Variants in PPP1R14C observed in about 807,000 individuals in gnomAD.
The protein encoded by PPP1R14C is protein phosphatase 1 regulatory inhibitor subunit 14C, also known as protein phosphatase 1 regulatory subunit 14C.
PPP1R14C carries 16 observed loss-of-function variants against 20.4 expected under a neutral mutation model. The observed-to-expected ratio is 0.78, with a 90% CI of 0.53 to 1.19. The LOEUF (loss-of-function observed/expected upper bound fraction) is 1.19, where lower values mean the gene tolerates loss of function less well. Among genes scored for constraint, PPP1R14C ranks in the 50% most tolerant of loss-of-function variants. PPP1R14C has a pLI of 0.00. For missense variants in PPP1R14C, 211 were observed against 220.1 expected, an observed-to-expected ratio of 0.96 and a Z score of 0.26; for synonymous variants, 91 against 91.0, an observed-to-expected ratio of 1.00 and a Z score of 0.00.
In PPP1R14C at chr6:150,241,707, C is replaced by T. The variant is rs974123996; in HGVS notation, c.424-7039C>T. 4.6e-5 allele frequency among the ~76,000 whole-genome samples: 7 copies of T among 152,144 alleles called. No individual in the cohort carries two copies. In the South Asian group the frequency reaches 1.0e-3, roughly 23 times the overall value. ...TTCGAGACCAGCCTAGCCAACATGG[C>T]GAAACCCCATCTCTACTAAAAATAC... On this transcript the variant is annotated intron_variant, in intron 3 of 3. Transcript: ENST00000361131.
chr6:150,149,001 G>T (rs1179015439), intron 1 of PPP1R14C, among the ~76,000 whole-genome samples: 1 of 152,042 alleles, frequency 6.6e-6, no homozygotes, highest in Non-Finnish European at 1.5e-5. Flanking sequence ...GGAGGTTAAG[G>T]CTGCAGTGAA....
intron 3 of PPP1R14C, among the ~76,000 whole-genome samples, chr6:150,240,139 A>G (rs1446712996): frequency 1.3e-5 from 2 of 152,232 alleles, no homozygotes; most frequent in Non-Finnish European, 2.9e-5. Flanking sequence ...TACAATTGAT[A>G]AACTTGTAGC....
chr6:150,223,143 T>C (rs6922326), intron 3 of PPP1R14C, among the ~76,000 whole-genome samples: 16,152 of 152,234 alleles, frequency 0.11, 1,136 homozygotes, highest in African/African-American at 0.2. Context: ...GTAATATGCA[T>C]TTAAGTTTGC....
At chr6:150,157,984 C>T (rs1353712815) in intron 1 of PPP1R14C, among the ~76,000 whole-genome samples, 4 of 152,210 alleles carry the variant, frequency 2.6e-5, no homozygotes, top group Non-Finnish European at 5.9e-5. Context: ...AAGATAGACC[C>T]TCCCACCTTC....
At chr6:150,197,342 A>G (rs1777817497) in intron 1 of PPP1R14C, among the ~76,000 whole-genome samples, 1 of 152,250 alleles carries the variant, frequency 6.6e-6, no homozygotes, top group African/African-American at 2.4e-5. Flanking sequence ...TGGTCTAGGA[A>G]GTTAAACTGT....
chr6:150,209,845 G>GTGTGTT (rs1327535651), intron 1 of PPP1R14C, among the ~76,000 whole-genome samples: 4 of 151,346 alleles, frequency 2.6e-5, no homozygotes, highest in African/African-American at 9.7e-5. Context: ...ATATATTTGT[G>GTGTGTT]TGTGTGTGTG....
intron 1 of PPP1R14C, among the ~76,000 whole-genome samples, chr6:150,156,024 C>CTAAAAAAAA (rs1777301700): frequency 2.6e-5 from 1 of 38,422 alleles, no homozygotes; most frequent in Non-Finnish European, 4.7e-5. Context: ...GACTCTGTCT[C>CTAAAAAAAA]AAAAAAAAAA....
chr6:150,206,616 G>A (rs1777953950), intron 1 of PPP1R14C, among the ~76,000 whole-genome samples: 1 of 152,040 alleles, frequency 6.6e-6, no homozygotes, highest in Non-Finnish European at 1.5e-5. Flanking sequence ...AGGAAAGGGA[G>A]GCGTTCTACA....
intron 3 of PPP1R14C, among the ~76,000 whole-genome samples, chr6:150,246,572 TACTTC>T (rs1778495373): frequency 6.6e-6 from 1 of 152,234 alleles, no homozygotes; most frequent in Non-Finnish European, 1.5e-5. Flanking sequence ...GCCTCCATTT[TACTTC>T]ACTTGTATTT....
At chr6:150,159,316 CAG>C (rs1471594076) in intron 1 of PPP1R14C, among the ~76,000 whole-genome samples, 1 of 152,238 alleles carries the variant, frequency 6.6e-6, no homozygotes, top group Admixed American at 6.5e-5. Flanking sequence ...CCAGATTTGA[CAG>C]AGAGATTGTC....
chr6:150,222,174 G>GGTGGATCACTAGGCACTTAGCAGATGCCA (rs745633112), intron 3 of PPP1R14C, among the ~76,000 whole-genome samples: 15,366 of 151,392 alleles, frequency 0.1, 1,362 homozygotes, highest in African/African-American at 0.24. Context: ...AGCAGATGCC[G>GGTGGATCACTAGGCACTTAGCAGATGCCA]GGTGCTGATC....
At chr6:150,210,040 C>T (rs967056118) in intron 1 of PPP1R14C, among the ~76,000 whole-genome samples, 5 of 151,988 alleles carry the variant, frequency 3.3e-5, no homozygotes, top group African/African-American at 1.2e-4. Flanking sequence ...TGTGTTGTCA[C>T]TGCGGGCCAG....
chr6:150,146,772 C>A lies in PPP1R14C; in HGVS notation c.306+3274C>A, dbSNP rs1298712061. Among the ~76,000 whole-genome samples the A allele has an allele frequency of 3.9e-5, 6 of 152,256 alleles. No individual in the cohort carries two copies. The Middle Eastern group carries it at 0.01, about 259-fold the overall frequency. ...AGAAGGGAATTCTGGGGACCCGGATCACAGACTAAAACCAAGTGGAGGGGC... is the reference window on the plus strand; with the variant it reads ...AGAAGGGAATTCTGGGGACCCGGATAACAGACTAAAACCAAGTGGAGGGGC... On this transcript the variant is annotated intron_variant, in intron 1 of 3. Transcript: ENST00000361131.
At chr6:150,159,617 CTT>C (rs35323993) in intron 1 of PPP1R14C, among the ~76,000 whole-genome samples, 17,277 of 145,896 alleles carry the variant, frequency 0.12, 1,283 homozygotes, top group African/African-American at 0.2. Flanking sequence ...GCCAGGCATT[CTT>C]TTTTTTTTTT....
chr6:150,160,359 G>A (rs1165580862), intron 1 of PPP1R14C, among the ~76,000 whole-genome samples: 1 of 148,088 alleles, frequency 6.8e-6, no homozygotes, highest in African/African-American at 2.5e-5. Flanking sequence ...CCACCTCCTG[G>A]GTTCACGCCA....
At chr6:150,225,367 C>G (rs1778219433) in intron 3 of PPP1R14C, among the ~76,000 whole-genome samples, 1 of 152,158 alleles carries the variant, frequency 6.6e-6, no homozygotes, top group South Asian at 2.1e-4. Context: ...ATCTCTAAAA[C>G]TTGTCCACTC....
At chr6:150,168,366 C>G (rs1373366729) in intron 1 of PPP1R14C, among the ~76,000 whole-genome samples, 1 of 151,904 alleles carries the variant, frequency 6.6e-6, no homozygotes, top group Non-Finnish European at 1.5e-5. Flanking sequence ...GAAACCCCGT[C>G]TCTACTAAAA....
intron 1 of PPP1R14C, among the ~76,000 whole-genome samples, chr6:150,190,586 C>T (rs1777730008): frequency 6.6e-6 from 1 of 151,994 alleles, no homozygotes; most frequent in African/African-American, 2.4e-5. Flanking sequence ...GCCAGCACAC[C>T]CAGCTAATTT....
intron 1 of PPP1R14C, among the ~76,000 whole-genome samples, chr6:150,144,150 C>G (rs1315222496): frequency 2.0e-5 from 3 of 152,234 alleles, no homozygotes; most frequent in Admixed American, 6.5e-5. Context: ...CCTCTCTAAG[C>G]TCAGTTACTC....
Sources: gnomAD v4.1 joint callset for allele counts (sites outside exome capture counted in the v4.1 genomes callset) on GRCh38, gnomAD v4.1.1 for gene constraint, MANE v1.5 for transcripts, NCBI Gene and HGNC (gene_info 2026-07-23, HGNC 2026-07-21) for gene names.